The following TSC22D1 variants were observed in gnomAD, a reference collection of about 807,000 sequenced individuals.
The protein encoded by TSC22D1 is TSC22 domain family protein 1.
Under a neutral mutation model 74.2 loss-of-function variants are expected in TSC22D1, and 9 were observed. The ratio of observed to expected loss-of-function variants is 0.12; its 90% CI spans 0.07 to 0.21. TSC22D1 has a LOEUF of 0.21. Ranked by LOEUF, TSC22D1 falls within the 10% of genes least tolerant of loss-of-function variation. The pLI is 1.00. For synonymous variants in TSC22D1, 586 were observed against 492.5 expected (o/e 1.19, Z -2.51); for missense variants, 1,427 against 1,304.7 (o/e 1.09, Z -1.44).
At chr13:44,510,013 C>T (rs1043750978) in intron 1 of TSC22D1, among the ~76,000 whole-genome samples, 1 of 143,060 alleles carries the variant, frequency 7.0e-6, no homozygotes, top group African/African-American at 2.6e-5. Flanking sequence ...AATGAGTTCT[C>T]ATGTACTTTG....
intron 1 of TSC22D1, chr13:44,436,816 G>A (rs990843405): frequency 2.9e-6 from 4 of 1,376,458 alleles, no homozygotes; most frequent in African/African-American, 1.5e-5. Flanking sequence ...GCCGTGAAGA[G>A]GCGCTTCCCA....
At chr13:44,457,637 C>CAA (rs10692086) in intron 1 of TSC22D1, among the ~76,000 whole-genome samples, 1,836 of 85,360 alleles carry the variant, frequency 0.022, 41 homozygotes, top group East Asian at 0.046. Flanking sequence ...AAGCAAATAG[C>CAA]AAAAAAAAAA....
At chr13:44,561,789 T>C (rs1883055298) in intron 1 of TSC22D1, among the ~76,000 whole-genome samples, 1 of 152,144 alleles carries the variant, frequency 6.6e-6, no homozygotes, top group African/African-American at 2.4e-5. Flanking sequence ...AGAAATGTTT[T>C]GAAACAAAAT....
rs1050260304 is a variant in TSC22D1 at position 44,432,642 on chromosome 13, C to T, written c.*1984G>A. On this transcript the variant is annotated 3_prime_UTR_variant, in exon 3 of 3. Transcript: ENST00000458659. ...TAGGGATCTTGGATGTCCCATTCAC[C>T]TCTCAATCTCCCACCAGCTCTAGAT... The T allele has an allele frequency of 7.9e-5, 12 of 152,172 alleles. 1 individual carries two copies. The highest frequency in any genetic ancestry group is 1.2e-4 in the Non-Finnish European group (8 of 68,022). The allele number at this position is 152,172 out of a possible 1,614,324, so 9.4% of individuals were successfully genotyped here. A position where few individuals can be genotyped will look rare whatever the true frequency, so the allele number is the denominator to read the frequency against.
At position 44,573,432 on chromosome 13, in the gene TSC22D1, A is replaced by G. The variant is rs781361721; in HGVS notation, c.2643T>C (p.Asn881=). 8.1e-6 allele frequency: 13 copies of G among 1,614,136 alleles called. No homozygotes were observed. Among genetic ancestry groups the G allele is most frequent in the Non-Finnish European group, 1.1e-5 (13 of 1,180,050 alleles). ...SVSQPPLIAT[N]TNLPLAQQIP... ...TCTGTTGTGCCAAAGGCAAATTTGT[A>G]TTAGTTGCTATCAAGGGAGGTTGAC... Residue 881 remains asparagine (N), a synonymous_variant, in exon 1 of 3, where the codon AAT becomes AAC. Transcript: ENST00000458659.
chr13:44,504,623 A>T (rs78113813), intron 1 of TSC22D1, among the ~76,000 whole-genome samples: 184 of 141,112 alleles, frequency 1.3e-3, no homozygotes, highest in African/African-American at 3.8e-3. Context: ...AAAAAAAAAA[A>T]TTTTCAAGCA....
rs761564568 is a variant in TSC22D1 at position 44,573,922 on chromosome 13, G to A, written c.2153C>T (p.Ala718Val). Residue 718 changes from alanine to valine, a missense_variant, in exon 1 of 3, where the codon GCA becomes GTA. Coordinates refer to ENST00000458659, the MANE Select transcript of TSC22D1 (RefSeq NM_183422.4). The stretch of plus-strand genomic sequence containing the variant: ...GCCAGTAGGTACAGCAGACACTGCT[G>A]CCGGAGCCTGGCCAACAGGCTGGAC... ...ASVQPVGQAP[A>V]AVSAVPTGSQ... 6.3e-5 allele frequency: 102 copies of A among 1,614,050 alleles called. No individual in the cohort carries two copies. Among genetic ancestry groups the A allele is most frequent in the Non-Finnish European group, 8.3e-5 (98 of 1,180,054 alleles).
intron 1 of TSC22D1, among the ~76,000 whole-genome samples, chr13:44,571,684 C>T (rs1441748362): frequency 6.6e-6 from 1 of 152,006 alleles, no homozygotes; most frequent in East Asian, 1.9e-4. Context: ...TGAGTATTAG[C>T]ATGATAAAAT....
chr13:44,482,965 C>T (rs1419166972), intron 1 of TSC22D1, among the ~76,000 whole-genome samples: 1 of 152,006 alleles, frequency 6.6e-6, no homozygotes, highest in East Asian at 1.9e-4. Context: ...GTGCTAAAGC[C>T]GGTATTTAAA....
intron 1 of TSC22D1, among the ~76,000 whole-genome samples, chr13:44,548,274 T>C (rs1056876591): frequency 1.3e-5 from 2 of 152,234 alleles, no homozygotes. Flanking sequence ...CCCAGCACTT[T>C]GGGAGGCTGA....
At chr13:44,555,640 T>C (rs1437655279) in intron 1 of TSC22D1, among the ~76,000 whole-genome samples, 1 of 150,802 alleles carries the variant, frequency 6.6e-6, no homozygotes, top group African/African-American at 2.5e-5. Flanking sequence ...TAAACAAATA[T>C]GTACAGCCAT....
chr13:44,451,067 T>C (rs559933855), intron 1 of TSC22D1, among the ~76,000 whole-genome samples: 1 of 152,242 alleles, frequency 6.6e-6, no homozygotes, highest in African/African-American at 2.4e-5. Context: ...GATTTAACTG[T>C]GGAGGGAGCG....
At chr13:44,531,584 C>G (rs183113668) in intron 1 of TSC22D1, among the ~76,000 whole-genome samples, 2,580 of 152,134 alleles carry the variant, frequency 0.017, 62 homozygotes, top group African/African-American at 0.058. Flanking sequence ...AATGTTTGTT[C>G]TTATTTTCCC....
intron 1 of TSC22D1, among the ~76,000 whole-genome samples, chr13:44,558,326 A>G (rs1882820783): frequency 6.6e-6 from 1 of 152,254 alleles, no homozygotes; most frequent in Admixed American, 6.5e-5. Context: ...CCAATAATAC[A>G]GTAAAAAAAA....
At chr13:44,542,021 G>T (rs553495808) in intron 1 of TSC22D1, among the ~76,000 whole-genome samples, 4 of 152,124 alleles carry the variant, frequency 2.6e-5, no homozygotes, top group African/African-American at 9.6e-5. Flanking sequence ...TATCAACCAT[G>T]AAAATTATCT....
intron 1 of TSC22D1, among the ~76,000 whole-genome samples, chr13:44,521,507 T>C (rs1043180777): frequency 6.6e-6 from 1 of 152,102 alleles, no homozygotes; most frequent in South Asian, 2.1e-4. Flanking sequence ...TAGTGGTATA[T>C]TAAAAAAAGA....
intron 1 of TSC22D1, among the ~76,000 whole-genome samples, chr13:44,449,671 G>C (rs893121648): frequency 2.6e-5 from 4 of 151,014 alleles, no homozygotes; most frequent in South Asian, 2.1e-4. Context: ...ATAAGGGTAA[G>C]AAGACAATGC....
In TSC22D1 at chr13:44,516,586, TG is replaced by T. The variant is rs369729473; in HGVS notation, c.2912+56576del. Among the ~76,000 whole-genome samples the T allele has an allele frequency of 7.0e-3, 1,067 of 152,126 alleles. 14 individuals carry two copies. The highest frequency in any genetic ancestry group is 0.024 in the African/African-American group (990 of 41,498). ...TACCAGTAAAGAAATATTCTTTTTA[TG>T]GGGGGAAAAAAAAGCAAACTAATAT... is the stretch of plus-strand genomic sequence containing the variant. On this transcript the variant is annotated intron_variant, in intron 1 of 2. Coordinates refer to ENST00000458659, the MANE Select transcript of TSC22D1 (RefSeq NM_183422.4).
intron 1 of TSC22D1, among the ~76,000 whole-genome samples, chr13:44,534,265 C>T (rs552215159): frequency 8.8e-5 from 13 of 147,886 alleles, no homozygotes; most frequent in South Asian, 6.4e-4. Context: ...TGGCAGTGCA[C>T]GCCTGTAGCA....
Sources: gnomAD v4.1 joint callset for allele counts (sites outside exome capture counted in the v4.1 genomes callset) on GRCh38, gnomAD v4.1.1 for gene constraint, MANE v1.5 for transcripts, NCBI Gene and HGNC (gene_info 2026-07-23, HGNC 2026-07-21) for gene names.